The following MAGED2 variants were observed in gnomAD, a reference collection of about 807,000 sequenced individuals.
MAGED2 encodes the protein MAGE family member D2.
In MAGED2, 6 loss-of-function variants were observed where a neutral mutation model predicts 41.7. The ratio of observed to expected loss-of-function variants is 0.14; its 90% CI spans 0.08 to 0.28. The LOEUF is 0.28. Ranked by LOEUF, MAGED2 falls within the 10% of genes least tolerant of loss-of-function variation. The probability of loss-of-function intolerance (pLI) is 1.00; values close to 1 mark genes in which losing one functional copy is unlikely to be tolerated. For synonymous variants in MAGED2, 146 were observed against 178.2 expected (o/e 0.82, Z 1.44); for missense variants, 343 against 486.4 (o/e 0.71, Z 2.77).
Position 54,810,833 on chromosome X carries a change from G to C in MAGED2, c.550G>C (p.Asp184His). ...TCTGTTGATGCAGGTGAAGCATCTGGATGGGGAAGAGGATGGCAGCAGTGA... is the reference window on the plus strand; with the variant it reads ...TCTGTTGATGCAGGTGAAGCATCTGCATGGGGAAGAGGATGGCAGCAGTGA... Reference protein sequence around the residue: ...AKKARKVKHLDGEEDGSSDQS... With the variant: ...AKKARKVKHLHGEEDGSSDQS... Residue 184 changes from aspartate to histidine, a missense_variant, in exon 4 of 13, where the codon GAT becomes CAT. Physicochemically the swap from Asp to His is moderately conservative, Grantham distance 81 (BLOSUM62 -1). Around this residue, in one of 3 missense-constraint regions of MAGED2, gnomAD observed 195 missense variants for 221.2 expected, o/e 0.88. Transcript: ENST00000375068. 2.6e-6 allele frequency: 3 copies of C among 1,168,795 alleles called. No individual in the cohort carries two copies. The highest frequency in any genetic ancestry group is 2.3e-6 in the Non-Finnish European group (2 of 873,625).
Position 54,815,563 on chromosome X carries a change from G to T in MAGED2, c.1702G>T (p.Gly568Cys). 1 of 1,173,403 alleles carries T rather than the reference G, an allele frequency of 8.5e-7. No individual in the cohort carries two copies. The highest frequency in any genetic ancestry group is 1.9e-5 in the South Asian group (1 of 53,220). The change falls in exon 12 of 13, where the codon GGC becomes TGC. Residue 568 changes from glycine to cysteine, a missense_variant. This residue lies in a region of MAGED2 where 53 missense variants were observed against 60.4 expected (regional missense o/e 0.88). Transcript: ENST00000375068. ...SASASASTSG[G>C]FSAGASLTAT... ...CAGTGCCAGTGCCAGCACCAGTGGT[G>T]GCTTCAGTGCTGGTGCCAGCCTGAC...
rs145007278 is a variant in MAGED2 at position 54,812,352 on chromosome X, A to G, written c.1085+101A>G. 2,681 of 503,005 alleles carry G rather than the reference A, an allele frequency of 5.3e-3. 60 individuals carry two copies. The African/African-American group carries it at 0.059, about 11-fold the overall frequency. 41.5% of individuals were successfully genotyped at this position (503,005 alleles called of 1,213,427 possible). A position where few individuals can be genotyped will look rare whatever the true frequency, so the allele number is the denominator to read the frequency against. On this transcript the variant is annotated intron_variant, in intron 7 of 12. Transcript: ENST00000375068. ...CCCCCATCCTCTTAGAGAGTCAGGA[A>G]AGACAGGGTCTCAAAAGCCCCGTCC...
rs764308460 is a variant in MAGED2 at position 54,810,495 on chromosome X, C to T, written c.537+282C>T. Among the ~76,000 whole-genome samples the T allele has an allele frequency of 4.5e-5, 5 of 111,901 alleles. No homozygotes were observed. The South Asian group carries it at 1.9e-3, about 41-fold the overall frequency. On this transcript the variant is annotated intron_variant, in intron 3 of 12. Transcript: ENST00000375068. ...TAAATCTTGAAAGTAATTCTCATAG[C>T]CCCAATTTTATGGAGAAGGAAGCTG... is the stretch of plus-strand genomic sequence containing the variant.
At position 54,809,928 on chromosome X, in the gene MAGED2, A is replaced by G. The variant is rs1043031; in HGVS notation, c.252A>G (p.Ser84=). ...EAREAPATQA[S]STTQLTDTQV... is the part of the protein sequence containing the mutation. The stretch of plus-strand genomic sequence containing the variant: ...GGGAGGCACCTGCCACCCAGGCCTC[A>G]TCTACTACTCAGCTGACTGATACCC... The change falls in exon 3 of 13, where the codon TCA becomes TCG. Residue 84 remains serine, a synonymous_variant. Coordinates refer to ENST00000375068, the MANE Select transcript of MAGED2 (RefSeq NM_177433.3). 421,123 of 1,196,048 alleles carry G rather than the reference A, an allele frequency of 0.35. 51,377 individuals are homozygous for G. Among genetic ancestry groups the G allele is most frequent in the East Asian group, 0.63 (21,089 of 33,279 alleles).
intron 9 of MAGED2, 67 bp from the exon 10 acceptor site, chrX:54,813,421 C>A: frequency 9.8e-7 from 1 of 1,022,641 alleles, no homozygotes; most frequent in Non-Finnish European, 1.4e-6. Context: ...CCTCTGCCCA[C>A]ATCTGGGAAG....
chrX:54,812,109 C>T, intron 6 of MAGED2, 48 bp from the exon 7 acceptor site: 1 of 775,820 alleles, frequency 1.3e-6, no homozygotes, highest in Non-Finnish European at 2.0e-6. Flanking sequence ...GCAGCATGCC[C>T]CGGAAGCTGA....
intron 12 of MAGED2, 39 bp downstream of exon 12, chrX:54,815,729 T>A: frequency 1.0e-6 from 1 of 975,653 alleles, no homozygotes; most frequent in Admixed American, 2.8e-5. Flanking sequence ...CTGGGGCTTA[T>A]GGGGCTGGGA....
intron 6 of MAGED2, 73 bp from the exon 7 acceptor site, chrX:54,812,084 G>C (rs1929825415): frequency 3.7e-5 from 22 of 595,564 alleles, no homozygotes. Context: ...GAAACTCCTA[G>C]GTACATAGGG....
In MAGED2 at chrX:54,809,837, A is replaced by G; in HGVS notation, c.161A>G (p.Asp54Gly). Residue 54 changes from aspartate (D) to glycine (G), a missense_variant, in exon 3 of 13, where the codon GAT (aspartate) becomes GGT (glycine). Physicochemically the swap from Asp to Gly is moderately conservative, Grantham distance 94 (BLOSUM62 -1). Transcript: ENST00000375068. ...TCAAAGGCACTGGAGGTCTCAGAGG[A>G]TGTGAAGGTCTCAAAAGCCTCTGGG... ...KASKALEVSE[D>G]VKVSKASGVS... 8.3e-7 allele frequency: 1 copy of G among 1,199,378 alleles called. No individual in the cohort carries two copies. Among genetic ancestry groups the G allele is most frequent in the Non-Finnish European group, 1.1e-6 (1 of 888,913 alleles).
In MAGED2 at chrX:54,809,804, C is replaced by A. The variant is rs201160051; in HGVS notation, c.128C>A (p.Pro43Gln). 1 of 1,203,926 alleles carries A rather than the reference C, an allele frequency of 8.3e-7. No homozygotes were observed. ...VTQNVEVPET[P>Q]KASKALEVSE... Reference sequence around the variant, plus strand: ...CAGAATGTGGAGGTCCCAGAGACACCGAAGGCCTCAAAGGCACTGGAGGTC... The same window carrying A: ...CAGAATGTGGAGGTCCCAGAGACACAGAAGGCCTCAAAGGCACTGGAGGTC... Residue 43 changes from proline (P) to glutamine (Q), a missense_variant, in exon 3 of 13, where the codon CCG (proline) becomes CAG (glutamine). This residue lies in a region of MAGED2 where 195 missense variants were observed against 221.2 expected (regional missense o/e 0.88). Coordinates refer to ENST00000375068, the MANE Select transcript of MAGED2 (RefSeq NM_177433.3).
At position 54,810,933 on chromosome X, in the gene MAGED2, C is replaced by T; in HGVS notation, c.650C>T (p.Ala217Val). The T allele has an allele frequency of 8.3e-7, 1 of 1,207,318 alleles. No homozygotes were observed. Among genetic ancestry groups the T allele is most frequent in the South Asian group, 1.8e-5 (1 of 56,252 alleles). ...CTAATGGCCTCAATGGCCCGCAGGGCTTCAAGGGGTCCCATAGCCTTTTGG... is the reference window on the plus strand; with the variant it reads ...CTAATGGCCTCAATGGCCCGCAGGGTTTCAAGGGGTCCCATAGCCTTTTGG... ...KALMASMARR[A>V]SRGPIAFWAR... is the part of the protein sequence containing the mutation. Residue 217 changes from alanine to valine, a missense_variant, in exon 4 of 13, where the codon GCT (alanine) becomes GTT (valine). Ala to Val is a moderately conservative substitution (Grantham distance 64). Around this residue, in one of 3 missense-constraint regions of MAGED2, gnomAD observed 195 missense variants for 221.2 expected, o/e 0.88. Transcript: ENST00000375068.
At chrX:54,808,072 G>A (rs747462816) in intron 1 of MAGED2, among the ~76,000 whole-genome samples, 1 of 109,944 alleles carries the variant, frequency 9.1e-6, no homozygotes, top group East Asian at 2.9e-4. Flanking sequence ...GGGGAACACT[G>A]AGGGGGAGTG....
At position 54,809,353 on chromosome X, in the gene MAGED2, G is replaced by A; in HGVS notation, c.22G>A (p.Gly8Ser). Residue 8 changes from glycine (G) to serine (S), a missense_variant, in exon 2 of 13, where the codon GGT becomes AGT. Physicochemically the swap from Gly to Ser is moderately conservative, Grantham distance 56. This residue lies in a region of MAGED2 where 195 missense variants were observed against 221.2 expected (regional missense o/e 0.88). Transcript: ENST00000375068. ...AGACATGTCTGACACAAGCGAGAGT[G>A]GTGCAGGTCTAACTCGCTTCCAGGT... is the stretch of plus-strand genomic sequence containing the variant. MSDTSES[G>S]AGLTRFQAEA... 1 of 1,211,040 alleles carries A rather than the reference G, an allele frequency of 8.3e-7. No homozygotes were observed. Among genetic ancestry groups the A allele is most frequent in the Non-Finnish European group, 1.1e-6 (1 of 894,897 alleles).
chrX:54,811,370 C>T (rs764365185), intron 5 of MAGED2, 57 bp downstream of exon 5: 17 of 1,085,511 alleles, frequency 1.6e-5, no homozygotes, highest in South Asian at 1.3e-4. Context: ...TGCCCTTACA[C>T]CATTGTGCTG....
intron 10 of MAGED2, 148 bp downstream of exon 10, chrX:54,813,698 G>A (rs1336883169): frequency 1.9e-5 from 9 of 482,916 alleles, no homozygotes; most frequent in Middle Eastern, 4.3e-4. Context: ...TTCCTTGGGC[G>A]GTGATGGGAA....
rs190641340 is a variant in MAGED2 at position 54,814,427 on chromosome X, A to G, written c.1272-234A>G. On this transcript the variant is annotated intron_variant, in intron 10 of 12. Transcript: ENST00000375068. ...GGCTCCTCTGTTTACAACACACCCA[A>G]CAGGAATCTGGGGTCATTGTGATGA... 8.4e-4 allele frequency: 434 copies of G among 519,135 alleles called. 1 individual carries two copies. The highest frequency in any genetic ancestry group is 1.3e-3 in the Non-Finnish European group (377 of 284,258). 42.8% of individuals were successfully genotyped at this position (519,135 alleles called of 1,213,427 possible). A position where few individuals can be genotyped will look rare whatever the true frequency, so the allele number is the denominator to read the frequency against.
At chrX:54,809,207 T>C (rs1243438423) in intron 1 of MAGED2, 96 bp from the exon 2 acceptor site, 37 of 598,261 alleles carry the variant, frequency 6.2e-5, no homozygotes, top group Non-Finnish European at 8.7e-5. Context: ...GGGGTTGGAA[T>C]TGGGGACCTA....
rs374450327 is a variant in MAGED2 at position 54,809,499 on chromosome X, G to A, written c.45+123G>A. 132 of 885,988 alleles carry A rather than the reference G, an allele frequency of 1.5e-4. No homozygotes were observed. In the South Asian group the frequency reaches 2.5e-3, roughly 17 times the overall value. The allele number at this position is 885,988 out of a possible 1,213,427, so 73.0% of individuals were successfully genotyped here. ...TCTCCACCTACTTTCCTGCCTGGGTGTCCCCCTGCCCAGTGGAGGGAGGGA... is the reference window on the plus strand; with the variant it reads ...TCTCCACCTACTTTCCTGCCTGGGTATCCCCCTGCCCAGTGGAGGGAGGGA... On this transcript the variant is annotated intron_variant, in intron 2 of 12. Coordinates refer to ENST00000375068, the MANE Select transcript of MAGED2 (RefSeq NM_177433.3).
rs1357682157 is a variant in MAGED2, at chrX:54,807,753, G to C, written c.-79G>C. The C allele has an allele frequency of 1.8e-5, 2 of 113,005 alleles. No individual in the cohort carries two copies. Among genetic ancestry groups the C allele is most frequent in the Non-Finnish European group, 3.8e-5 (2 of 53,148 alleles). The allele number at this position is 113,005 out of a possible 1,213,427, so 9.3% of individuals were successfully genotyped here. ...CTCTAGTCCAGGAGGCTGAGACTTC[G>C]AGAGGGACTTAGAGAAGGCAGACGC... On this transcript the variant is annotated 5_prime_UTR_variant, in exon 1 of 13. Transcript: ENST00000375068.
Sources: allele counts gnomAD v4.1 joint callset (sites outside exome capture counted in the v4.1 genomes callset), GRCh38; gene constraint gnomAD v4.1.1; regional missense constraint gnomAD v4.1.1; transcripts MANE v1.5; gene names NCBI Gene and HGNC (gene_info 2026-07-23, HGNC 2026-07-21).